Variants in LRCH1 observed in about 807,000 individuals in gnomAD.
The protein encoded by LRCH1 is leucine-rich repeat and calponin homology domain-containing protein 1.
LRCH1 carries 23 observed loss-of-function variants against 94.9 expected under a neutral mutation model. The ratio of observed to expected loss-of-function variants is 0.24; its 90% confidence interval spans 0.17 to 0.34. The LOEUF (loss-of-function observed/expected upper bound fraction) is 0.34, where lower values mean the gene tolerates loss of function less well. Ranked by LOEUF, LRCH1 falls within the 10% of genes least tolerant of loss-of-function variation. LRCH1 has a pLI of 1.00. For synonymous variants in LRCH1, 364 were observed against 354.9 expected (o/e 1.03, Z -0.29); for missense variants, 790 against 945.9 (o/e 0.84, Z 2.16).
intron 17 of LRCH1, among the ~76,000 whole-genome samples, chr13:46,725,899 T>G (rs1217120013): frequency 1.3e-5 from 2 of 152,202 alleles, no homozygotes; most frequent in Admixed American, 6.5e-5. Flanking sequence ...GAGTGATATC[T>G]TACAATTTTA....
At chr13:46,581,102 CA>C (rs2050359731) in intron 1 of LRCH1, among the ~76,000 whole-genome samples, 1 of 152,172 alleles carries the variant, frequency 6.6e-6, no homozygotes, top group South Asian at 2.1e-4. Flanking sequence ...AGGTAAAACA[CA>C]GTCCCTGTGT....
At chr13:46,632,507 C>T (rs1594301115) in intron 1 of LRCH1, among the ~76,000 whole-genome samples, 1 of 152,130 alleles carries the variant, frequency 6.6e-6, no homozygotes, top group African/African-American at 2.4e-5. Flanking sequence ...ACAGTTTGAA[C>T]TTCAGGGGAG....
intron 16 of LRCH1, among the ~76,000 whole-genome samples, chr13:46,718,095 A>G (rs184328876): frequency 1.3e-5 from 2 of 152,298 alleles, no homozygotes; most frequent in East Asian, 3.9e-4. Flanking sequence ...GTGTCCTCTT[A>G]CTGAATCTTT....
intron 19 of LRCH1, among the ~76,000 whole-genome samples, chr13:46,736,346 AAAC>A (rs1272532084): frequency 6.6e-6 from 1 of 152,180 alleles, no homozygotes; most frequent in Non-Finnish European, 1.5e-5. Flanking sequence ...TGTATACTCA[AAAC>A]AACATGTTTT....
rs781422476 is a variant in LRCH1 at position 46,723,207 on chromosome 13, C to T, written c.1760-14C>T. 10 of 1,518,918 alleles carry T rather than the reference C, an allele frequency of 6.6e-6. No individual in the cohort carries two copies. The highest frequency in any genetic ancestry group is 9.1e-6 in the Non-Finnish European group (10 of 1,102,302). The allele number at this position is 1,518,918 out of a possible 1,614,324, so 94.1% of individuals were successfully genotyped here. Reference sequence around the variant, plus strand: ...GGCACTATATAAAGGCTTTTTTTCCCCTTTGTATTGTAGTGTTTCTAAGAC... The same window carrying T: ...GGCACTATATAAAGGCTTTTTTTCCTCTTTGTATTGTAGTGTTTCTAAGAC... On this transcript the variant is annotated splice_polypyrimidine_tract_variant and intron_variant, in intron 16 of 19. Coordinates refer to ENST00000389797, the MANE Select transcript of LRCH1 (RefSeq NM_001164211.2).
At chr13:46,614,274 C>T (rs1448441729) in intron 1 of LRCH1, among the ~76,000 whole-genome samples, 1 of 152,130 alleles carries the variant, frequency 6.6e-6, no homozygotes, top group Non-Finnish European at 1.5e-5. Flanking sequence ...TTTCCCTGCC[C>T]CTCCCGATTA....
intron 1 of LRCH1, among the ~76,000 whole-genome samples, chr13:46,570,029 T>C (rs2050224762): frequency 6.6e-6 from 1 of 152,190 alleles, no homozygotes; most frequent in South Asian, 2.1e-4. Flanking sequence ...TCCATGTCTT[T>C]TTTCTCTAAT....
rs116139323 is a variant in LRCH1 at position 46,576,689 on chromosome 13, C to T, written c.307+22986C>T. Among the ~76,000 whole-genome samples, 657 of 151,006 alleles carry T rather than the reference C, an allele frequency of 4.4e-3. 5 individuals are homozygous for T. The highest frequency in any genetic ancestry group is 0.014 in the African/African-American group (594 of 41,486). On this transcript the variant is annotated intron_variant, in intron 1 of 19. Transcript: ENST00000389797. ...GGTTCAGTAGAATTTTATATTTACC[C>T]TTTATCATTATTCACCTTACTGTAT...
At chr13:46,589,809 T>C (rs1295956587) in intron 1 of LRCH1, among the ~76,000 whole-genome samples, 3 of 151,798 alleles carry the variant, frequency 2.0e-5, no homozygotes, top group Non-Finnish European at 4.4e-5. Context: ...CCACATTGGT[T>C]AGGCTGGTCT....
Position 46,630,770 on chromosome 13 carries a change from A to G in LRCH1, c.308-19431A>G, listed in dbSNP as rs917452703. ...TGCAGTTAAACTGATATCCAGAACA[A>G]TGGTGAGAAAACACCAATTAACTGA... On this transcript the variant is annotated intron_variant, in intron 1 of 19. Transcript: ENST00000389797. Among the ~76,000 whole-genome samples, 4 of 152,238 alleles carry G rather than the reference A, an allele frequency of 2.6e-5. No homozygotes were observed. The South Asian group carries it at 8.3e-4, about 32-fold the overall frequency.
intron 3 of LRCH1, among the ~76,000 whole-genome samples, chr13:46,681,518 A>G (rs1281433275): frequency 6.6e-6 from 1 of 152,216 alleles, no homozygotes; most frequent in Non-Finnish European, 1.5e-5. Flanking sequence ...GGCGAATGCT[A>G]CTAATGTCCA....
At chr13:46,680,723 C>T (rs2051739102) in intron 3 of LRCH1, among the ~76,000 whole-genome samples, 1 of 152,182 alleles carries the variant, frequency 6.6e-6, no homozygotes, top group Non-Finnish European at 1.5e-5. Flanking sequence ...AATGGACAGA[C>T]CTCATCATAG....
chr13:46,715,790 G>A, intron 16 of LRCH1, 126 bp downstream of exon 16: 1 of 647,938 alleles, frequency 1.5e-6, no homozygotes, highest in Non-Finnish European at 2.7e-6. Context: ...GAAATAATGT[G>A]TAAGCCTGGA....
At chr13:46,662,905 C>T (rs1193332415) in intron 2 of LRCH1, among the ~76,000 whole-genome samples, 3 of 152,170 alleles carry the variant, frequency 2.0e-5, no homozygotes, top group Non-Finnish European at 4.4e-5. Context: ...TGTTTTCTTG[C>T]TCTTCTCGCA....
intron 3 of LRCH1, among the ~76,000 whole-genome samples, chr13:46,674,154 TAAATA>T (rs2051640262): frequency 6.6e-6 from 1 of 152,106 alleles, no homozygotes; most frequent in Non-Finnish European, 1.5e-5. Flanking sequence ...AAAAAATAAA[TAAATA>T]AAATAAAAAA....
intron 2 of LRCH1, among the ~76,000 whole-genome samples, chr13:46,652,540 T>C (rs886178208): frequency 1.3e-5 from 2 of 152,214 alleles, no homozygotes; most frequent in Admixed American, 1.3e-4. Context: ...TTCTAACTTA[T>C]CTGACCATTT....
chr13:46,617,144 G>A (rs1178383187), intron 1 of LRCH1, among the ~76,000 whole-genome samples: 1 of 152,166 alleles, frequency 6.6e-6, no homozygotes, highest in Non-Finnish European at 1.5e-5. Context: ...ATAACACAGT[G>A]CTCAAAACTG....
At chr13:46,748,027 C>CCA (rs1487024569), downstream of LRCH1, among the ~76,000 whole-genome samples, 1 of 152,180 alleles carries the variant, frequency 6.6e-6, no homozygotes, top group Non-Finnish European at 1.5e-5. Context: ...CAGGCATGAG[C>CCA]CACCATACAC....
At chr13:46,604,557 G>A (rs1262888093) in intron 1 of LRCH1, among the ~76,000 whole-genome samples, 7 of 152,132 alleles carry the variant, frequency 4.6e-5, no homozygotes, top group Admixed American at 1.3e-4. Flanking sequence ...CCTGTGATAC[G>A]GAATAAACAT....
Sources: gnomAD v4.1 joint callset for allele counts (sites outside exome capture counted in the v4.1 genomes callset) on GRCh38, gnomAD v4.1.1 for gene constraint, MANE v1.5 for transcripts, NCBI Gene and HGNC (gene_info 2026-07-23, HGNC 2026-07-21) for gene names.